Variants in TMSB15B observed in about 807,000 individuals in gnomAD.
The protein encoded by TMSB15B is thymosin beta-15B.
chrX:103,944,376 G>A (rs782586600), intron 1 of TMSB15B, among the ~76,000 whole-genome samples: 3 of 112,245 alleles, frequency 2.7e-5, no homozygotes, highest in Non-Finnish European at 1.9e-5. Context: ...TTCATAGCCA[G>A]TAAGTTGTAG....
At chrX:103,954,374 T>C (rs1303348418) in intron 1 of TMSB15B, among the ~76,000 whole-genome samples, 1 of 112,013 alleles carries the variant, frequency 8.9e-6, no homozygotes. Flanking sequence ...TCTTGCGTGC[T>C]CTGGGGCCCA....
At chrX:103,941,261 T>G (rs1462527096) in intron 1 of TMSB15B, among the ~76,000 whole-genome samples, 18 of 112,501 alleles carry the variant, frequency 1.6e-4, no homozygotes, top group African/African-American at 5.2e-4. Context: ...GATGGACACT[T>G]AGGTTGATTC....
intron 1 of TMSB15B, among the ~76,000 whole-genome samples, chrX:103,955,939 C>T (rs1318116556): frequency 9.0e-6 from 1 of 111,593 alleles, no homozygotes; most frequent in Non-Finnish European, 1.9e-5. Flanking sequence ...AGACTAACAG[C>T]AAAGGTCTCA....
At chrX:103,928,657 G>C in intron 1 of TMSB15B, 1 of 1,155,104 alleles carries the variant, frequency 8.7e-7, no homozygotes. Context: ...GAACAGCCTG[G>C]GGAGCACTCT....
At chrX:103,937,469 T>C (rs2075001114) in intron 1 of TMSB15B, among the ~76,000 whole-genome samples, 1 of 112,268 alleles carries the variant, frequency 8.9e-6, no homozygotes, top group Non-Finnish European at 1.9e-5. Flanking sequence ...GTATTTATAG[T>C]ATTCTCTGAT....
intron 1 of TMSB15B, chrX:103,929,145 G>T (rs2074977730): frequency 2.1e-6 from 1 of 470,367 alleles, no homozygotes. Context: ...CTCATTGCAT[G>T]GGAGAAGTTC....
chrX:103,920,472 G>A lies in TMSB15B; in HGVS notation c.-721+1180G>A, dbSNP rs782809018. On this transcript the variant is annotated intron_variant, in intron 1 of 3. Coordinates refer to the TMSB15B transcript ENST00000419165. ...CACCACGTGATGCTGAAGGTTATAA[G>A]TAAATGGGCCTGTCATCAGTGTATT... Among the ~76,000 whole-genome samples, 68 of 111,881 alleles carry A rather than the reference G, an allele frequency of 6.1e-4. No individual in the cohort carries two copies. In the Middle Eastern group the frequency reaches 0.032, roughly 53 times the overall value.
intron 1 of TMSB15B, among the ~76,000 whole-genome samples, chrX:103,944,023 A>G (rs1335444672): frequency 8.9e-6 from 1 of 112,058 alleles, no homozygotes; most frequent in East Asian, 2.8e-4. Flanking sequence ...TCTTCATGTT[A>G]TCGAGGGCAA....
intron 1 of TMSB15B, among the ~76,000 whole-genome samples, chrX:103,921,996 C>T (rs2074954371): frequency 9.0e-6 from 1 of 111,340 alleles, no homozygotes; most frequent in East Asian, 2.8e-4. Flanking sequence ...AGGCATTCTG[C>T]AGATAACCCA....
chrX:103,924,944 C>T (rs781834141), intron 1 of TMSB15B, among the ~76,000 whole-genome samples: 2 of 111,702 alleles, frequency 1.8e-5, no homozygotes, highest in African/African-American at 6.5e-5. Flanking sequence ...CCTTCCCATT[C>T]GTGGAAGAAA....
Position 103,924,658 on chromosome X carries a change from G to C in TMSB15B, c.-721+5366G>C, listed in dbSNP as rs782134488. ...TAGTGGATGATCAATACATGTTTGT[G>C]AGCAGACCAAAGGACTGGGTGAGAG... On this transcript the variant is annotated intron_variant, in intron 1 of 3. Coordinates refer to the TMSB15B transcript ENST00000419165. 5.0e-4 allele frequency among the ~76,000 whole-genome samples: 56 copies of C among 111,639 alleles called. 1 individual carries two copies. The highest frequency in any genetic ancestry group is 4.9e-4 in the Non-Finnish European group (26 of 53,142).
intron 1 of TMSB15B, among the ~76,000 whole-genome samples, chrX:103,947,824 A>G (rs1186104623): frequency 8.9e-6 from 1 of 111,990 alleles, no homozygotes; most frequent in East Asian, 2.8e-4. Context: ...TACTTCACAG[A>G]AAAGGAAATG....
rs367873873 is a variant in TMSB15B, at chrX:103,953,570, C to G, written c.-720-8451C>G. On this transcript the variant is annotated intron_variant, in intron 1 of 3. Coordinates refer to the TMSB15B transcript ENST00000419165. ...GGGGAGGGGCGGGCCGCCATGTTTA[C>G]TGTTTGGGTGACTTAGCCCTTCCAG... Among the ~76,000 whole-genome samples the G allele has an allele frequency of 8.1e-4, 92 of 112,964 alleles. 1 individual carries two copies. The highest frequency in any genetic ancestry group is 2.7e-3 in the African/African-American group (83 of 31,165).
intron 1 of TMSB15B, among the ~76,000 whole-genome samples, chrX:103,927,274 G>C (rs868925995): frequency 2.7e-5 from 3 of 111,980 alleles, no homozygotes; most frequent in African/African-American, 9.8e-5. Context: ...CTACCAGCAC[G>C]CACTCAGCCG....
intron 1 of TMSB15B, among the ~76,000 whole-genome samples, chrX:103,945,825 G>A (rs1479620563): frequency 5.4e-5 from 6 of 111,930 alleles, no homozygotes; most frequent in Admixed American, 2.8e-4. Flanking sequence ...GGAATTCAGC[G>A]ATCAATTAGA....
At chrX:103,946,873 T>C (rs2075027034) in intron 1 of TMSB15B, among the ~76,000 whole-genome samples, 1 of 111,868 alleles carries the variant, frequency 8.9e-6, no homozygotes, top group Admixed American at 9.5e-5. Context: ...AAAAGATTGA[T>C]ATATTTGATT....
intron 1 of TMSB15B, among the ~76,000 whole-genome samples, chrX:103,920,376 T>A (rs2074948751): frequency 8.9e-6 from 1 of 111,844 alleles, no homozygotes; most frequent in South Asian, 3.7e-4. Context: ...AAGAGTGTGA[T>A]TTGTAGTTTT....
chrX:103,955,797 C>T (rs1299048579), intron 1 of TMSB15B, among the ~76,000 whole-genome samples: 5 of 111,148 alleles, frequency 4.5e-5, no homozygotes, highest in Non-Finnish European at 9.4e-5. Flanking sequence ...GCAGACCACC[C>T]CAGTAAGATA....
intron 1 of TMSB15B, among the ~76,000 whole-genome samples, chrX:103,952,849 T>C (rs2075042255): frequency 9.0e-6 from 1 of 111,320 alleles, no homozygotes. Context: ...GATCACTGGT[T>C]CAAACAAGGC....
Sources: allele counts gnomAD v4.1 joint callset (sites outside exome capture counted in the v4.1 genomes callset), GRCh38; gene constraint gnomAD v4.1.1; transcripts MANE v1.5; gene names NCBI Gene and HGNC (gene_info 2026-07-23, HGNC 2026-07-21).